Variants in CHSY1 observed in about 807,000 individuals in gnomAD.
CHSY1 encodes N-acetylgalactosaminyl-proteoglycan 3-beta-glucuronosyltransferase 1.
A neutral mutation model predicts 59.8 loss-of-function variants in CHSY1; 13 were observed. The observed-to-expected ratio is 0.22, with a 90% confidence interval of 0.14 to 0.35. CHSY1 has a LOEUF of 0.35. Ranked by LOEUF, CHSY1 falls within the 10% of genes least tolerant of loss-of-function variation. The pLI is 1.00. For synonymous variants in CHSY1, 459 were observed against 401.2 expected (o/e 1.14, Z -1.72); for missense variants, 947 against 1,030.6 (o/e 0.92, Z 1.11).
intron 1 of CHSY1, among the ~76,000 whole-genome samples, chr15:101,246,837 A>G (rs2039057466): frequency 6.6e-6 from 1 of 151,960 alleles, no homozygotes; most frequent in African/African-American, 2.4e-5. Context: ...CTACATGAAC[A>G]TTTCCCTTCC....
chr15:101,233,188 A>G (rs1038473189), intron 2 of CHSY1, among the ~76,000 whole-genome samples: 1 of 152,202 alleles, frequency 6.6e-6, no homozygotes, highest in Non-Finnish European at 1.5e-5. Flanking sequence ...AATCATCTCC[A>G]AAATGGCCTC....
intron 1 of CHSY1, among the ~76,000 whole-genome samples, chr15:101,240,143 G>C (rs2038988151): frequency 6.6e-6 from 1 of 152,152 alleles, no homozygotes; most frequent in Non-Finnish European, 1.5e-5. Context: ...TGGTTTGAGG[G>C]AAATCTCTCA....
At chr15:101,232,496 T>C (rs1410401708) in intron 2 of CHSY1, among the ~76,000 whole-genome samples, 1 of 152,098 alleles carries the variant, frequency 6.6e-6, no homozygotes, top group Non-Finnish European at 1.5e-5. Flanking sequence ...AACATTATAA[T>C]GAAGAACTAC....
chr15:101,198,523 A>T (rs367790257), intron 2 of CHSY1, among the ~76,000 whole-genome samples: 20 of 152,340 alleles, frequency 1.3e-4, no homozygotes, highest in East Asian at 1.2e-3. Context: ...CACAAAAAAC[A>T]CATCAGTAAC....
chr15:101,185,865 G>A (rs140145458), intron 2 of CHSY1, among the ~76,000 whole-genome samples: 3 of 152,022 alleles, frequency 2.0e-5, no homozygotes, highest in South Asian at 2.1e-4. Context: ...ACATCAAGGA[G>A]AAATGCTGGT....
At chr15:101,231,175 T>A (rs2038889235) in intron 2 of CHSY1, among the ~76,000 whole-genome samples, 1 of 152,028 alleles carries the variant, frequency 6.6e-6, no homozygotes, top group Non-Finnish European at 1.5e-5. Flanking sequence ...TGTCAAGATG[T>A]GAAAAAGATT....
At chr15:101,226,020 G>A (rs116891227) in intron 2 of CHSY1, among the ~76,000 whole-genome samples, 324 of 152,294 alleles carry the variant, frequency 2.1e-3, no homozygotes, top group Non-Finnish European at 3.2e-3. Flanking sequence ...CCTGGAGAAG[G>A]TTTGTTTTGC....
At chr15:101,181,858 C>T (rs1412662036) in intron 2 of CHSY1, among the ~76,000 whole-genome samples, 3 of 152,288 alleles carry the variant, frequency 2.0e-5, no homozygotes, top group African/African-American at 7.2e-5. Context: ...AAAAACTTAA[C>T]TACTAATAGC....
intron 2 of CHSY1, among the ~76,000 whole-genome samples, chr15:101,192,927 C>A (rs770143191): frequency 7.9e-5 from 12 of 152,152 alleles, no homozygotes; most frequent in Non-Finnish European, 1.2e-4. Flanking sequence ...ATGCTTATTA[C>A]CACTCCTCTC....
In CHSY1 at chr15:101,179,895, A is replaced by G. The variant is rs2038253089; in HGVS notation, c.817-915T>C. On this transcript the variant is annotated intron_variant, in intron 2 of 2. Coordinates refer to ENST00000254190, the MANE Select transcript of CHSY1 (RefSeq NM_014918.5). ...GCCTAATGCCTCAGTACATCTGGGC[A>G]AGGAGATGAACGTTTTTACAAAGCA... 1.3e-5 allele frequency among the ~76,000 whole-genome samples: 2 copies of G among 152,250 alleles called. 1 individual carries two copies. The highest frequency in any genetic ancestry group is 4.1e-4 in the South Asian group (2 of 4,834).
chr15:101,181,751 C>G (rs2038281879), intron 2 of CHSY1, among the ~76,000 whole-genome samples: 1 of 152,184 alleles, frequency 6.6e-6, no homozygotes, highest in South Asian at 2.1e-4. Context: ...TGATTTTCTC[C>G]TCTCTTCCCA....
At chr15:101,220,814 G>T (rs998770724) in intron 2 of CHSY1, among the ~76,000 whole-genome samples, 16 of 152,148 alleles carry the variant, frequency 1.1e-4, no homozygotes, top group African/African-American at 3.1e-4. Context: ...ACTGCCTCAG[G>T]GCCTCCGCAT....
intron 2 of CHSY1, among the ~76,000 whole-genome samples, chr15:101,184,578 G>A (rs1038495223): frequency 2.0e-5 from 3 of 151,852 alleles, no homozygotes; most frequent in African/African-American, 7.3e-5. Flanking sequence ...TTGAACTCCT[G>A]GGATCAAGCA....
At chr15:101,186,175 C>T (rs145874794) in intron 2 of CHSY1, among the ~76,000 whole-genome samples, 2,379 of 144,700 alleles carry the variant, frequency 0.016, 32 homozygotes, top group East Asian at 0.095. Flanking sequence ...AAAAAAATAG[C>T]CAGGGGTGGT....
chr15:101,217,438 G>C (rs749042467), intron 2 of CHSY1, among the ~76,000 whole-genome samples: 7 of 152,156 alleles, frequency 4.6e-5, no homozygotes, highest in Non-Finnish European at 1.0e-4. Flanking sequence ...CACCCCAATA[G>C]CAACAAGCAT....
At chr15:101,186,061 A>G (rs1306291265) in intron 2 of CHSY1, among the ~76,000 whole-genome samples, 1 of 149,708 alleles carries the variant, frequency 6.7e-6, no homozygotes, top group Non-Finnish European at 1.5e-5. Context: ...CTTAAGTAGT[A>G]TAGTCAGGCC....
At chr15:101,204,989 T>C (rs1033239015) in intron 2 of CHSY1, among the ~76,000 whole-genome samples, 2 of 152,154 alleles carry the variant, frequency 1.3e-5, no homozygotes, top group East Asian at 3.8e-4. Context: ...TTTTTCGCAA[T>C]ACTACATACT....
intron 1 of CHSY1, among the ~76,000 whole-genome samples, chr15:101,244,521 G>A (rs941916281): frequency 6.6e-6 from 1 of 152,162 alleles, no homozygotes; most frequent in Non-Finnish European, 1.5e-5. Flanking sequence ...TCTTTTTGTG[G>A]TTTTACTGTA....
At chr15:101,227,317 C>A (rs1258370449) in intron 2 of CHSY1, among the ~76,000 whole-genome samples, 3 of 152,082 alleles carry the variant, frequency 2.0e-5, no homozygotes, top group African/African-American at 7.2e-5. Flanking sequence ...CCCTGGAAGA[C>A]CTTGCAATGT....
Sources: gnomAD v4.1 joint callset for allele counts (sites outside exome capture counted in the v4.1 genomes callset) on GRCh38, gnomAD v4.1.1 for gene constraint, MANE v1.5 for transcripts, NCBI Gene and HGNC (gene_info 2026-07-23, HGNC 2026-07-21) for gene names.